Variants in SLC24A3 observed in about 807,000 individuals in gnomAD.
SLC24A3 encodes the protein sodium/potassium/calcium exchanger 3.
SLC24A3 carries 28 observed loss-of-function variants against 75.8 expected under a neutral mutation model. The ratio of observed to expected loss-of-function variants is 0.37; its 90% CI spans 0.27 to 0.51. The LOEUF (loss-of-function observed/expected upper bound fraction) is 0.51. Among genes scored for constraint, SLC24A3 ranks in the 20% least tolerant of loss-of-function variants. The probability of loss-of-function intolerance (pLI) is 0.94; values close to 1 mark genes in which losing one functional copy is unlikely to be tolerated. For synonymous variants in SLC24A3, 372 were observed against 334.1 expected (o/e 1.11, Z -1.24); for missense variants, 663 against 847.8 (o/e 0.78, Z 2.71).
Position 19,355,929 on chromosome 20 carries a change from T to C in SLC24A3, c.271+74842T>C, listed in dbSNP as rs372627251. Reference sequence around the variant, plus strand: ...TCATATTAGAAGGAACTGCTACATTTGGGTTAGAAGTTATTTAAAAACATA... The same window carrying C: ...TCATATTAGAAGGAACTGCTACATTCGGGTTAGAAGTTATTTAAAAACATA... On this transcript the variant is annotated intron_variant, in intron 2 of 16. Transcript: ENST00000328041. 3.7e-4 allele frequency among the ~76,000 whole-genome samples: 57 copies of C among 152,320 alleles called. No homozygotes were observed. In the South Asian group the frequency reaches 0.012, roughly 31 times the overall value.
chr20:19,675,214 C>T (rs1312676663), intron 9 of SLC24A3, among the ~76,000 whole-genome samples: 1 of 152,202 alleles, frequency 6.6e-6, no homozygotes, highest in African/African-American at 2.4e-5. Flanking sequence ...AACTGCCCAA[C>T]CCCGTGGGAG....
At chr20:19,292,355 G>A (rs544856606) in intron 2 of SLC24A3, among the ~76,000 whole-genome samples, 11 of 152,280 alleles carry the variant, frequency 7.2e-5, no homozygotes, top group South Asian at 2.1e-4. Context: ...TTTTTAGGGC[G>A]TGGGAGTTTT....
At chr20:19,569,766 AC>A (rs1438076083) in intron 3 of SLC24A3, among the ~76,000 whole-genome samples, 1 of 151,974 alleles carries the variant, frequency 6.6e-6, no homozygotes, top group Non-Finnish European at 1.5e-5. Flanking sequence ...CCCCACACTT[AC>A]CAGGCTGCAG....
At chr20:19,691,672 A>G (rs1372372844) in intron 12 of SLC24A3, among the ~76,000 whole-genome samples, 1 of 152,138 alleles carries the variant, frequency 6.6e-6, no homozygotes, top group Non-Finnish European at 1.5e-5. Context: ...GATGGTGGGA[A>G]TGTCCTGTCA....
Position 19,688,901 on chromosome 20 carries a change from GTATAA to G in SLC24A3, c.1324+3545_1324+3549del, listed in dbSNP as rs199614294. ...TGTACACTTAATATATTGTATGCAT[GTATAA>G]TATATGTGCAGATATTAACATATTT... On this transcript the variant is annotated intron_variant, in intron 12 of 16. Transcript: ENST00000328041. Among the ~76,000 whole-genome samples, 1,394 of 152,114 alleles carry G rather than the reference GTATAA, an allele frequency of 9.2e-3. 23 individuals are homozygous for G. Among genetic ancestry groups the G allele is most frequent in the African/African-American group, 0.031 (1,284 of 41,470 alleles).
chr20:19,242,065 T>G (rs890431795), intron 1 of SLC24A3, among the ~76,000 whole-genome samples: 1 of 152,124 alleles, frequency 6.6e-6, no homozygotes, highest in African/African-American at 2.4e-5. Flanking sequence ...TGTACCTCAA[T>G]GCTATCAGAT....
At chr20:19,639,847 T>G (rs1418397382) in intron 6 of SLC24A3, among the ~76,000 whole-genome samples, 1 of 152,198 alleles carries the variant, frequency 6.6e-6, no homozygotes, top group African/African-American at 2.4e-5. Flanking sequence ...GGGGGACCCA[T>G]TACACCCTCC....
chr20:19,272,738 T>TGGTG, intron 1 of SLC24A3, among the ~76,000 whole-genome samples: 1 of 152,116 alleles, frequency 6.6e-6, no homozygotes. Flanking sequence ...CCTCCTCCCT[T>TGGTG]GGTGGTTCAG....
chr20:19,661,054 G>C (rs2032321008), intron 7 of SLC24A3, among the ~76,000 whole-genome samples: 1 of 152,204 alleles, frequency 6.6e-6, no homozygotes, highest in South Asian at 2.1e-4. Context: ...GGAGACCCCA[G>C]AGAGGAGCCT....
chr20:19,662,464 G>A (rs1235685357), intron 7 of SLC24A3, among the ~76,000 whole-genome samples: 1 of 152,260 alleles, frequency 6.6e-6, no homozygotes, highest in Non-Finnish European at 1.5e-5. Context: ...GCCTTGAGGT[G>A]ATTCCCTTCC....
chr20:19,373,454 G>A (rs576423860), intron 2 of SLC24A3, among the ~76,000 whole-genome samples: 22 of 152,322 alleles, frequency 1.4e-4, no homozygotes, highest in Middle Eastern at 3.4e-3. Context: ...CTGCCCACAT[G>A]CTGCCTGAGC....
intron 3 of SLC24A3, among the ~76,000 whole-genome samples, chr20:19,540,994 C>T (rs554472449): frequency 1.3e-5 from 2 of 152,308 alleles, no homozygotes; most frequent in South Asian, 4.1e-4. Flanking sequence ...TTGTGGATAA[C>T]CCCGCACAAC....
At chr20:19,363,875 C>T (rs1381642696) in intron 2 of SLC24A3, among the ~76,000 whole-genome samples, 5 of 152,120 alleles carry the variant, frequency 3.3e-5, no homozygotes, top group Non-Finnish European at 5.9e-5. Context: ...GCCATTGGGT[C>T]CAATTGCAAA....
At chr20:19,514,968 G>T (rs756681173) in intron 2 of SLC24A3, among the ~76,000 whole-genome samples, 1 of 152,132 alleles carries the variant, frequency 6.6e-6, no homozygotes, top group Non-Finnish European at 1.5e-5. Context: ...TTAGAGCAGG[G>T]GCTTCAAATC....
At chr20:19,711,246 A>G (rs942331110) in intron 15 of SLC24A3, among the ~76,000 whole-genome samples, 13 of 150,048 alleles carry the variant, frequency 8.7e-5, no homozygotes, top group Non-Finnish European at 1.9e-4. Flanking sequence ...CACGCAGGCA[A>G]ATGTGCACAC....
chr20:19,293,448 G>C (rs968424781), intron 2 of SLC24A3, among the ~76,000 whole-genome samples: 1 of 151,972 alleles, frequency 6.6e-6, no homozygotes, highest in Non-Finnish European at 1.5e-5. Context: ...CCGAGGTCAG[G>C]AGTTCAAGAC....
intron 11 of SLC24A3, among the ~76,000 whole-genome samples, chr20:19,684,710 T>G (rs940235554): frequency 6.6e-6 from 1 of 152,220 alleles, no homozygotes; most frequent in Non-Finnish European, 1.5e-5. Flanking sequence ...AATTTTGCTG[T>G]GCATTCCTTT....
At chr20:19,481,204 A>G (rs757891700) in intron 2 of SLC24A3, among the ~76,000 whole-genome samples, 2 of 141,440 alleles carry the variant, frequency 1.4e-5, no homozygotes, top group Non-Finnish European at 3.1e-5. Context: ...AGAAGGTGCT[A>G]CATTGCTACG....
intron 6 of SLC24A3, among the ~76,000 whole-genome samples, chr20:19,640,113 A>G (rs1003832254): frequency 1.3e-5 from 2 of 152,242 alleles, no homozygotes; most frequent in Non-Finnish European, 2.9e-5. Flanking sequence ...GGGCTCCTCA[A>G]GTGCCTCCAA....
Sources: gnomAD v4.1 joint callset for allele counts (sites outside exome capture counted in the v4.1 genomes callset) on GRCh38, gnomAD v4.1.1 for gene constraint, MANE v1.5 for transcripts, NCBI Gene and HGNC (gene_info 2026-07-23, HGNC 2026-07-21) for gene names.